NBAS: variants seen among roughly 807,000 people sequenced by gnomAD.
The protein encoded by NBAS is NBAS subunit of NRZ tethering complex.
Under a neutral mutation model 302.5 loss-of-function variants are expected in NBAS, and 219 were observed. The observed-to-expected ratio is 0.72, with a 90% CI of 0.65 to 0.81. The LOEUF is 0.81. Ranked by LOEUF, NBAS falls within the 30% of genes least tolerant of loss-of-function variation. The probability of loss-of-function intolerance (pLI) is 0.00; values close to 1 mark genes in which losing one functional copy is unlikely to be tolerated. For missense variants in NBAS, 2,932 were observed against 2,841.6 expected (o/e 1.03, Z -0.72); for synonymous variants, 1,118 against 1,021.6 (o/e 1.09, Z -1.80).
the NBAS span, among the ~76,000 whole-genome samples, chr2:14,974,998 C>A: frequency 1.6e-4 from 25 of 152,128 alleles, no homozygotes; most frequent in Non-Finnish European, 3.4e-4. Flanking sequence ...AGGGGACAGA[C>A]CAAGGAATTC....
chr2:15,374,868 C>T (rs771707896), intron 30 of NBAS, 148 bp from the exon 31 acceptor site: 2 of 678,302 alleles, frequency 2.9e-6, no homozygotes, highest in Middle Eastern at 3.6e-4. Context: ...TCTTAATCCT[C>T]ATAGCAAGCC....
the NBAS span, among the ~76,000 whole-genome samples, chr2:15,142,639 C>T: frequency 8.5e-5 from 13 of 152,202 alleles, no homozygotes; most frequent in Non-Finnish European, 1.8e-4. Flanking sequence ...CAGGTTTATC[C>T]CTGCCACATC....
At chr2:15,432,444 A>T (rs1292670460) in intron 21 of NBAS, among the ~76,000 whole-genome samples, 1 of 152,196 alleles carries the variant, frequency 6.6e-6, no homozygotes, top group East Asian at 1.9e-4. Context: ...ATCTGCCAGC[A>T]GGAAAGGAAT....
At position 15,553,271 on chromosome 2, in the gene NBAS, A is replaced by G. The variant is rs1455177876; in HGVS notation, c.335+155T>C. ...TCTGAGAAAGCATCCTTAATTTTTTAACTGGCGTAAGTTGGTGTTTGACAC... is the reference window on the plus strand; with the variant it reads ...TCTGAGAAAGCATCCTTAATTTTTTGACTGGCGTAAGTTGGTGTTTGACAC... On this transcript the variant is annotated intron_variant, in intron 5 of 51. Coordinates refer to ENST00000281513, the MANE Select transcript of NBAS (RefSeq NM_015909.4). Among the ~76,000 whole-genome samples the G allele has an allele frequency of 2.0e-5, 3 of 152,176 alleles. No individual in the cohort carries two copies. In the East Asian group the frequency reaches 5.8e-4, roughly 29 times the overall value.
chr2:15,484,305 G>T (rs901299171), intron 12 of NBAS, among the ~76,000 whole-genome samples: 1 of 152,102 alleles, frequency 6.6e-6, no homozygotes, highest in African/African-American at 2.4e-5. Flanking sequence ...ACTTCTAAAT[G>T]TAAGTACTGT....
chr2:15,328,216 T>A lies in NBAS; in HGVS notation c.4444A>T (p.Asn1482Tyr). Residue 1482 changes from asparagine to tyrosine, a missense_variant, in exon 37 of 52, where the codon AAT (asparagine) becomes TAT (tyrosine). Coordinates refer to ENST00000281513, the MANE Select transcript of NBAS (RefSeq NM_015909.4). ...GTCCTTACCTCAGCGACAAAAGGAT[T>A]TGAGATGACAGATTCATAAAAAGGA... The part of the protein sequence containing the change: ...CHPFYESVIS[N>Y]PFVAESEGTY... 2 of 1,613,772 alleles carry A rather than the reference T, an allele frequency of 1.2e-6. No homozygotes were observed. Among genetic ancestry groups the A allele is most frequent in the Non-Finnish European group, 1.7e-6 (2 of 1,179,772 alleles).
intron 31 of NBAS, among the ~76,000 whole-genome samples, chr2:15,369,869 T>C (rs1400782997): frequency 3.3e-5 from 5 of 152,194 alleles, no homozygotes; most frequent in African/African-American, 7.2e-5. Context: ...AAAAGCATTT[T>C]CTAACCAGCC....
chr2:14,872,920 A>T, the NBAS span, among the ~76,000 whole-genome samples: 2 of 152,122 alleles, frequency 1.3e-5, no homozygotes, highest in African/African-American at 4.8e-5. Flanking sequence ...GACTTCAGGA[A>T]TGAAGCTGCA....
intron 44 of NBAS, among the ~76,000 whole-genome samples, chr2:15,248,152 CT>C (rs1668190420): frequency 6.6e-6 from 1 of 152,188 alleles, no homozygotes; most frequent in Non-Finnish European, 1.5e-5. Context: ...AAGAAACTCA[CT>C]CAAAACCGCG....
chr2:14,842,445 G>A, the NBAS span, among the ~76,000 whole-genome samples: 1 of 151,782 alleles, frequency 6.6e-6, no homozygotes, highest in African/African-American at 2.4e-5. Flanking sequence ...AAAAATGAGA[G>A]TGAAGATCCT....
chr2:14,821,734 T>C, the NBAS span, among the ~76,000 whole-genome samples: 77,128 of 151,810 alleles, frequency 0.51, 21,571 homozygotes, highest in African/African-American at 0.76. Context: ...CAAAATGGGC[T>C]GGGCGCGATG....
At chr2:15,154,069 A>T in the NBAS span, among the ~76,000 whole-genome samples, 1 of 152,262 alleles carries the variant, frequency 6.6e-6, no homozygotes, top group East Asian at 1.9e-4. Context: ...TGTAGGGCAC[A>T]GATTATTACT....
rs565064122 is a variant in NBAS at position 15,456,355 on chromosome 2, T to C, written c.2339+4846A>G. 9.2e-5 allele frequency among the ~76,000 whole-genome samples: 14 copies of C among 152,354 alleles called. 1 individual carries two copies. In the South Asian group the frequency reaches 1.7e-3, roughly 18 times the overall value. On this transcript the variant is annotated intron_variant, in intron 21 of 51. Coordinates refer to ENST00000281513, the MANE Select transcript of NBAS (RefSeq NM_015909.4). The stretch of plus-strand genomic sequence containing the variant: ...AAAACAGAGCAGGCAATAGGTCAAC[T>C]TGGCATAACTTACTATTGCTTTGCA...
the NBAS span, among the ~76,000 whole-genome samples, chr2:15,134,056 T>TTCTCTCTCTCTCTCTCTCTC: frequency 3.3e-4 from 48 of 145,782 alleles, no homozygotes; most frequent in African/African-American, 6.1e-4. Flanking sequence ...GAACATTTCT[T>TTCTCTCTCTCTCTCTCTCTC]TCTCTCTCTC....
chr2:15,320,199 C>G (rs1463958930), intron 38 of NBAS, among the ~76,000 whole-genome samples: 5 of 152,098 alleles, frequency 3.3e-5, no homozygotes, highest in South Asian at 2.1e-4. Context: ...ATTCAACAGC[C>G]CTTCATGCTA....
At chr2:15,250,128 G>A (rs1220787235) in intron 44 of NBAS, among the ~76,000 whole-genome samples, 2 of 152,064 alleles carry the variant, frequency 1.3e-5, no homozygotes, top group Non-Finnish European at 2.9e-5. Context: ...TAGACCAATG[G>A]AACAAAACAG....
At chr2:15,189,617 T>A (rs1665250400) in intron 49 of NBAS, among the ~76,000 whole-genome samples, 1 of 152,146 alleles carries the variant, frequency 6.6e-6, no homozygotes, top group Non-Finnish European at 1.5e-5. Flanking sequence ...GAAAGGGGTA[T>A]GTTCCATGGC....
At chr2:15,120,932 C>T in the NBAS span, among the ~76,000 whole-genome samples, 1 of 152,132 alleles carries the variant, frequency 6.6e-6, no homozygotes, top group African/African-American at 2.4e-5. Context: ...GACCTTTTCC[C>T]CTAATAAAAT....
chr2:14,836,144 CTATCTT>C, the NBAS span, among the ~76,000 whole-genome samples: 2 of 151,860 alleles, frequency 1.3e-5, no homozygotes, highest in East Asian at 3.9e-4. Flanking sequence ...ACTGGGTGGT[CTATCTT>C]TATCTTATTG....
Sources: gnomAD v4.1 joint callset for allele counts (sites outside exome capture counted in the v4.1 genomes callset) on GRCh38, gnomAD v4.1.1 for gene constraint, MANE v1.5 for transcripts, NCBI Gene and HGNC (gene_info 2026-07-23, HGNC 2026-07-21) for gene names.